The following KMT5C variants were observed in gnomAD, a reference collection of about 807,000 sequenced individuals.
KMT5C encodes lysine methyltransferase 5C, also known as histone-lysine N-methyltransferase KMT5C.
Under a neutral mutation model 38.2 loss-of-function variants are expected in KMT5C, and 16 were observed. That is an observed-to-expected ratio of 0.42 (90% confidence interval 0.28 to 0.64). The LOEUF is 0.64. Ranked by LOEUF, KMT5C falls within the 30% of genes least tolerant of loss-of-function variation. KMT5C has a pLI of 0.23. For synonymous variants in KMT5C, 291 were observed against 279.0 expected, an observed-to-expected ratio of 1.04 and a Z score of -0.43; for missense variants, 598 against 665.1, an observed-to-expected ratio of 0.90 and a Z score of 1.11.
chr19:55,347,401 G>T lies in KMT5C; in HGVS notation c.1341G>T (p.Val447=). The part of the protein sequence containing the change: ...PFSPPKRLRL[V]VSHGSIDLDV... ...CCCCACCCAAGCGCCTACGGCTGGT[G>T]GTCAGCCACGGCTCCATCGACCTGG... Residue 447 remains valine (V), a synonymous_variant, in exon 9 of 9, where the codon GTG becomes GTT. Coordinates refer to ENST00000255613, the MANE Select transcript of KMT5C (RefSeq NM_032701.4). This position sits in a 1 kb window ranked among gnomAD's most constrained non-coding sequence, Gnocchi z 4.6. 6.4e-7 allele frequency: 1 copy of T among 1,574,154 alleles called. No individual in the cohort carries two copies. The highest frequency in any genetic ancestry group is 8.6e-7 in the Non-Finnish European group (1 of 1,167,216).
chr19:55,342,874 A>G (rs10416488), intron 4 of KMT5C, 23 bp downstream of exon 4: 85,538 of 1,372,590 alleles, frequency 0.062, 7,432 homozygotes, highest in African/African-American at 0.41. Flanking sequence ...GACTCCCTGC[A>G]GGTATCCTTG....
Position 55,341,202 on chromosome 19 carries a change from C to T in KMT5C, c.-143-592C>T, listed in dbSNP as rs1398653456. Among the ~76,000 whole-genome samples the T allele has an allele frequency of 2.6e-5, 4 of 152,312 alleles. No homozygotes were observed. In the East Asian group the frequency reaches 5.8e-4, roughly 22 times the overall value. On this transcript the variant is annotated intron_variant, in intron 1 of 8. Coordinates refer to ENST00000255613, the MANE Select transcript of KMT5C (RefSeq NM_032701.4). ...TGCCTCCCCATAGTCTTCCTTTGCT[C>T]CCCTCCCCACCCCCGCTTTTGTCCT...
Position 55,347,575 on chromosome 19 carries a change from C to A in KMT5C, c.*126C>A. 1 of 1,401,650 alleles carries A rather than the reference C, an allele frequency of 7.1e-7. No homozygotes were observed. Among genetic ancestry groups the A allele is most frequent in the South Asian group, 1.6e-5 (1 of 63,524 alleles). 86.8% of individuals were successfully genotyped at this position (1,401,650 alleles called of 1,614,324 possible). On this transcript the variant is annotated 3_prime_UTR_variant, in exon 9 of 9. Transcript: ENST00000255613. The surrounding 1 kb of genome is among the most constrained non-coding windows in gnomAD (Gnocchi z 4.6). Reference sequence around the variant, plus strand: ...CCTTGACTCCAGCATAGCTCTGACCCTGGAATGGGGTTGGTTTGGACACCC... The same window carrying A: ...CCTTGACTCCAGCATAGCTCTGACCATGGAATGGGGTTGGTTTGGACACCC...
chr19:55,342,404 G>A (rs775716903), intron 3 of KMT5C, 24 bp downstream of exon 3: 153 of 1,443,530 alleles, frequency 1.1e-4, no homozygotes, highest in South Asian at 2.8e-4. Context: ...CCCCTCCCCC[G>A]CCCTCACCGC....
chr19:55,342,332 C>T lies in KMT5C; in HGVS notation c.228C>T (p.Arg76=), dbSNP rs1197939764. 2 of 1,565,124 alleles carry T rather than the reference C, an allele frequency of 1.3e-6. No homozygotes were observed. Among genetic ancestry groups the T allele is most frequent in the Admixed American group, 1.9e-5 (1 of 52,436 alleles). The change falls in exon 3 of 9, where the codon CGC becomes CGT. Residue 76 remains arginine (R), a synonymous_variant. Coordinates refer to ENST00000255613, the MANE Select transcript of KMT5C (RefSeq NM_032701.4). ...TGACGCTGGGAGGCTGGACGGCCCG[C>T]TACTTCCAGAGCCGGGGCCCGCGGC... ...RALTLGGWTA[R]YFQSRGPRQE... is the part of the protein sequence containing the mutation.
At chr19:55,346,710 C>T in intron 8 of KMT5C, 23 bp downstream of exon 8, 1 of 1,511,994 alleles carries the variant, frequency 6.6e-7, no homozygotes, top group Non-Finnish European at 8.9e-7. Flanking sequence ...CCCTGCCATC[C>T]CAGCAGCCCC....
In KMT5C at chr19:55,347,335, C is replaced by T. The variant is rs1410462190; in HGVS notation, c.1275C>T (p.Pro425=). The T allele has an allele frequency of 1.2e-5, 19 of 1,576,486 alleles. No homozygotes were observed. Among genetic ancestry groups the T allele is most frequent in the Admixed American group, 5.4e-5 (3 of 55,392 alleles). Residue 425 remains proline, a synonymous_variant, in exon 9 of 9, where the codon CCC becomes CCT. Transcript: ENST00000255613. The surrounding 1 kb of genome is among the most constrained non-coding windows in gnomAD (Gnocchi z 4.6). ...CAGCCCCTGCTGGGACCCCAGGCCC[C>T]ATCCTGATCCCGAAGCAGGCCCTCG... ...ATPAPAGTPG[P]ILIPKQALAF...
intron 3 of KMT5C, 174 bp downstream of exon 3, chr19:55,342,554 G>T: frequency 1.6e-6 from 1 of 641,584 alleles, no homozygotes; most frequent in Non-Finnish European, 2.7e-6. Flanking sequence ...GAGGAGAGTT[G>T]GGGGGGCCCT....
rs867278645 is a variant in KMT5C at position 55,342,024 on chromosome 19, C to T, written c.88C>T (p.Arg30Cys). The change falls in exon 2 of 9, where the codon CGC becomes TGC. Residue 30 changes from arginine to cysteine, a missense_variant. Arg to Cys is a radical substitution (Grantham distance 180). This residue lies in a region of KMT5C where 167 missense variants were observed against 187.8 expected (regional missense o/e 0.89). Transcript: ENST00000255613. The part of the protein sequence containing the change: ...SLVLDPYLGF[R>C]THKMNVSPVP... ...CGTCCTGGACCCCTACCTCGGTTTC[C>T]GCACCCATAAGATGAACGTCAGGTG... 82 of 1,613,540 alleles carry T rather than the reference C, an allele frequency of 5.1e-5. No individual in the cohort carries two copies. The highest frequency in any genetic ancestry group is 1.2e-4 in the African/African-American group (9 of 74,918).
rs1026607201 is a variant in KMT5C, at chr19:55,343,378, G to A, written c.387-302G>A. On this transcript the variant is annotated intron_variant, in intron 4 of 8. Transcript: ENST00000255613. This position sits in a 1 kb window ranked among gnomAD's most constrained non-coding sequence, Gnocchi z 5.5. ...GGCGAGTAGGGGGTAGTCCAGGCAG[G>A]AGGGATTTGGGGGCAGGAGGTGCTA... 4.4e-6 allele frequency: 2 copies of A among 453,210 alleles called. No individual in the cohort carries two copies. The highest frequency in any genetic ancestry group is 8.1e-6 in the Non-Finnish European group (2 of 246,510). The allele number at this position is 453,210 out of a possible 1,614,324, so 28.1% of individuals were successfully genotyped here. A position where few individuals can be genotyped will look rare whatever the true frequency, so the allele number is the denominator to read the frequency against.
At chr19:55,342,479 C>G (rs570341577) in intron 3 of KMT5C, 99 bp downstream of exon 3, 1 of 946,938 alleles carries the variant, frequency 1.1e-6, no homozygotes, top group African/African-American at 1.7e-5. Flanking sequence ...TCAGCGCAGC[C>G]CCTGGGGCCC....
rs150127456 is a variant in KMT5C, at chr19:55,341,993, C to T, written c.57C>T (p.Thr19=). The change falls in exon 2 of 9, where the codon ACC becomes ACT. Residue 19 remains threonine (T), a synonymous_variant. Transcript: ENST00000255613. ...RELCENDDLA[T]SLVLDPYLGF... is the part of the protein sequence containing the mutation. Reference sequence around the variant, plus strand: ...TGTGCGAGAACGACGACCTGGCCACCAGCCTCGTCCTGGACCCCTACCTCG... The same window carrying T: ...TGTGCGAGAACGACGACCTGGCCACTAGCCTCGTCCTGGACCCCTACCTCG... The T allele has an allele frequency of 1.2e-6, 2 of 1,613,694 alleles. No homozygotes were observed. Among genetic ancestry groups the T allele is most frequent in the African/African-American group, 2.7e-5 (2 of 74,928 alleles).
intron 6 of KMT5C, 178 bp from the exon 7 acceptor site, chr19:55,346,035 A>G (rs2089612701): frequency 3.0e-6 from 2 of 660,252 alleles, no homozygotes; most frequent in East Asian, 2.7e-5. Context: ...TCCAGGGGCT[A>G]CAGGCAAAGG....
At chr19:55,345,748 C>T (rs1271241595) in intron 6 of KMT5C, among the ~76,000 whole-genome samples, 1 of 152,152 alleles carries the variant, frequency 6.6e-6, no homozygotes, top group Non-Finnish European at 1.5e-5. Context: ...AGGGCCAGAG[C>T]ACACACAGAT....
chr19:55,342,405 CCCT>C, intron 3 of KMT5C, 25 bp downstream of exon 3: 11 of 1,451,258 alleles, frequency 7.6e-6, no homozygotes, highest in Non-Finnish European at 1.0e-5. Flanking sequence ...CCCTCCCCCG[CCCT>C]CACCGCGTGT....
chr19:55,346,417 G>A (rs912786532), intron 7 of KMT5C, 68 bp downstream of exon 7: 47 of 1,607,774 alleles, frequency 2.9e-5, no homozygotes, highest in South Asian at 9.9e-5. Context: ...ACGCACCCTC[G>A]GGACCCATCC....
chr19:55,344,876 G>T (rs752036142), intron 6 of KMT5C: 33 of 473,042 alleles, frequency 7.0e-5, no homozygotes, highest in Admixed American at 1.9e-4. Flanking sequence ...CCAGATTTTT[G>T]GCTCCAGAGT....
chr19:55,341,839 C>G lies in KMT5C; in HGVS notation c.-98C>G, dbSNP rs1180322771. The G allele has an allele frequency of 4.7e-6, 4 of 860,124 alleles. No homozygotes were observed. The highest frequency in any genetic ancestry group is 5.8e-6 in the Non-Finnish European group (3 of 513,998). 53.3% of individuals were successfully genotyped at this position (860,124 alleles called of 1,614,324 possible). Reference sequence around the variant, plus strand: ...AGCGTCCCCCATGGCTTCTGAGTAGCGTGGGAGTGGAGTCAGCACCAAGCC... The same window carrying G: ...AGCGTCCCCCATGGCTTCTGAGTAGGGTGGGAGTGGAGTCAGCACCAAGCC... On this transcript the variant is annotated 5_prime_UTR_variant, in exon 2 of 9. Transcript: ENST00000255613.
At chr19:55,346,925 C>G (rs752611468) in intron 8 of KMT5C, 31 bp from the exon 9 acceptor site, 3 of 830,702 alleles carry the variant, frequency 3.6e-6, no homozygotes, top group Non-Finnish European at 6.0e-6. Context: ...CTCCTTTGTT[C>G]CTCCTCTCCC....
Sources: gnomAD v4.1 joint callset for allele counts (sites outside exome capture counted in the v4.1 genomes callset) on GRCh38, gnomAD v4.1.1 for gene constraint, gnomAD v4.1.1 regional missense constraint, Gnocchi (gnomAD v3.1) non-coding constraint, MANE v1.5 for transcripts, NCBI Gene and HGNC (gene_info 2026-07-23, HGNC 2026-07-21) for gene names.